The following ABHD2 variants were observed in gnomAD, a reference collection of about 807,000 sequenced individuals.
ABHD2 encodes the protein monoacylglycerol lipase ABHD2.
A neutral mutation model predicts 48.1 loss-of-function variants in ABHD2; 20 were observed. That is an observed-to-expected ratio of 0.42 (90% CI 0.29 to 0.60). ABHD2 has a LOEUF of 0.60. Ranked by LOEUF, ABHD2 falls within the 20% of genes least tolerant of loss-of-function variation. ABHD2 has a pLI of 0.24. For missense variants in ABHD2, 405 were observed against 550.9 expected, an observed-to-expected ratio of 0.74 and a Z score of 2.65; for synonymous variants, 209 against 214.2, an observed-to-expected ratio of 0.98 and a Z score of 0.21.
chr15:89,113,047 T>C (rs2049900378), intron 1 of ABHD2, among the ~76,000 whole-genome samples: 1 of 152,228 alleles, frequency 6.6e-6, no homozygotes, highest in African/African-American at 2.4e-5. Context: ...GTTCTCTCTT[T>C]TGCTTCTGCT....
chr15:89,083,496 G>A (rs966700655), upstream of ABHD2, among the ~76,000 whole-genome samples: 13 of 152,156 alleles, frequency 8.5e-5, no homozygotes, highest in South Asian at 2.1e-4. This position sits in a 1 kb window ranked among gnomAD's most constrained non-coding sequence, Gnocchi z 5.1. Flanking sequence ...GTGCACGTGC[G>A]TGTATGTGTG....
At chr15:89,053,493 C>T in the ABHD2 span, among the ~76,000 whole-genome samples, 2 of 152,226 alleles carry the variant, frequency 1.3e-5, no homozygotes, top group East Asian at 3.9e-4. Context: ...TGCCCTCTAA[C>T]ATGGCCTGGG....
intron 3 of ABHD2, among the ~76,000 whole-genome samples, chr15:89,142,894 C>T (rs1194406792): frequency 6.6e-6 from 1 of 152,082 alleles, no homozygotes; most frequent in Non-Finnish European, 1.5e-5. Context: ...AACCCAGTGA[C>T]ATTTTGAATA....
chr15:89,174,511 C>G lies in ABHD2; in HGVS notation c.539-1301C>G, dbSNP rs2050979628. Among the ~76,000 whole-genome samples, 1 of 152,150 alleles carries G rather than the reference C, an allele frequency of 6.6e-6. No individual in the cohort carries two copies. The highest frequency in any genetic ancestry group is 6.5e-5 in the Admixed American group (1 of 15,272). ...GTGCCGGCCTGGCTTAGGCTACATCCTACCACAAAAGAAGACAGATATAAG... is the reference window on the plus strand; with the variant it reads ...GTGCCGGCCTGGCTTAGGCTACATCGTACCACAAAAGAAGACAGATATAAG... On this transcript the variant is annotated intron_variant, in intron 5 of 10. Coordinates refer to ENST00000352732, the MANE Select transcript of ABHD2 (RefSeq NM_152924.5). This position sits in a 1 kb window ranked among gnomAD's most constrained non-coding sequence, Gnocchi z 4.1.
chr15:89,061,868 C>G, the ABHD2 span, among the ~76,000 whole-genome samples: 1 of 152,158 alleles, frequency 6.6e-6, no homozygotes, highest in East Asian at 1.9e-4. Flanking sequence ...GCTACGGTGC[C>G]TGGCCCAAAA....
At chr15:89,111,053 TC>T (rs1213129818) in intron 1 of ABHD2, among the ~76,000 whole-genome samples, 1 of 152,146 alleles carries the variant, frequency 6.6e-6, no homozygotes, top group Non-Finnish European at 1.5e-5. Flanking sequence ...GTTTCCCTTT[TC>T]CCCCTGACAG....
Position 89,155,257 on chromosome 15 carries a change from A to G in ABHD2, c.371-110A>G, listed in dbSNP as rs908945379. 1 of 1,206,880 alleles carries G rather than the reference A, an allele frequency of 8.3e-7. No individual in the cohort carries two copies. The highest frequency in any genetic ancestry group is 1.5e-5 in the African/African-American group (1 of 66,244). 74.8% of individuals were successfully genotyped at this position (1,206,880 alleles called of 1,614,324 possible). ...TCTTCCCCAGAGAACTGAGTGAAAG[A>G]TGTATGTTGAATTCCCTCCCCTTGT... On this transcript the variant is annotated intron_variant, in intron 4 of 10. Coordinates refer to ENST00000352732, the MANE Select transcript of ABHD2 (RefSeq NM_152924.5). This position sits in a 1 kb window ranked among gnomAD's most constrained non-coding sequence, Gnocchi z 4.9.
At chr15:89,130,885 G>A (rs375843683) in intron 3 of ABHD2, among the ~76,000 whole-genome samples, 13 of 152,144 alleles carry the variant, frequency 8.5e-5, no homozygotes, top group Admixed American at 4.6e-4. Flanking sequence ...AGCAAGGCTC[G>A]TGCCCATGCC....
the ABHD2 span, among the ~76,000 whole-genome samples, chr15:89,064,150 G>A: frequency 4.0e-4 from 61 of 151,192 alleles, no homozygotes; most frequent in African/African-American, 1.5e-3. Flanking sequence ...ATGCCTTTAA[G>A]CTTCATCCAT....
At chr15:89,141,072 G>A (rs1422702161) in intron 3 of ABHD2, among the ~76,000 whole-genome samples, 1 of 151,882 alleles carries the variant, frequency 6.6e-6, no homozygotes, top group African/African-American at 2.4e-5. Flanking sequence ...GGGCTCAAGT[G>A]ATCCTCTTAA....
At chr15:89,069,102 T>TTTTC in the ABHD2 span, among the ~76,000 whole-genome samples, 474 of 141,264 alleles carry the variant, frequency 3.4e-3, 5 homozygotes, top group African/African-American at 0.012. Context: ...GCAAGCTCTT[T>TTTTC]TTTTCTTTTC....
intron 1 of ABHD2, among the ~76,000 whole-genome samples, chr15:89,105,141 C>T (rs2049763848): frequency 6.6e-6 from 1 of 152,182 alleles, no homozygotes; most frequent in Non-Finnish European, 1.5e-5. Context: ...AAGTGCTTTA[C>T]CCATTCGTTC....
rs1021608308 is a variant in ABHD2, at chr15:89,197,211, A to C, written c.*1788A>C. 6 of 152,662 alleles carry C rather than the reference A, an allele frequency of 3.9e-5. No individual in the cohort carries two copies. Among genetic ancestry groups the C allele is most frequent in the African/African-American group, 1.4e-4 (6 of 41,452 alleles). 9.5% of individuals were successfully genotyped at this position (152,662 alleles called of 1,614,324 possible). A position where few individuals can be genotyped will look rare whatever the true frequency, so the allele number is the denominator to read the frequency against. On this transcript the variant is annotated 3_prime_UTR_variant, in exon 11 of 11. Transcript: ENST00000352732. The surrounding 1 kb of genome is among the most constrained non-coding windows in gnomAD (Gnocchi z 4.4). ...ACAATCACCAAATCATCCGAATGAC[A>C]TCAAAAGCAGCCCTTATCTCAGAGA...
chr15:89,193,204 A>T, intron 9 of ABHD2, 31 bp from the exon 10 acceptor site: 1 of 1,601,442 alleles, frequency 6.2e-7, no homozygotes, highest in Non-Finnish European at 8.6e-7. Flanking sequence ...GGGAATCAGT[A>T]GTTTAATTCT....
At chr15:89,159,169 G>T (rs1359884420) in intron 5 of ABHD2, among the ~76,000 whole-genome samples, 1 of 151,896 alleles carries the variant, frequency 6.6e-6, no homozygotes, top group Non-Finnish European at 1.5e-5. Flanking sequence ...CTGAGGTCAG[G>T]AGTTTGAGAG....
At chr15:89,115,209 T>G (rs16942717) in intron 2 of ABHD2, among the ~76,000 whole-genome samples, 6,776 of 152,278 alleles carry the variant, frequency 0.044, 240 homozygotes, top group African/African-American at 0.1. Flanking sequence ...ACCTTGGCTA[T>G]GAGAGTTACC....
the ABHD2 span, chr15:89,075,226 G>A: frequency 6.6e-6 from 1 of 152,194 alleles, no homozygotes. The surrounding 1 kb of genome is among the most constrained non-coding windows in gnomAD (Gnocchi z 4.1). Flanking sequence ...GTGAGGTAAA[G>A]TGTGAATGAT....
At chr15:89,147,783 A>G (rs2050519577) in intron 3 of ABHD2, among the ~76,000 whole-genome samples, 1 of 151,964 alleles carries the variant, frequency 6.6e-6, no homozygotes, top group Non-Finnish European at 1.5e-5. Flanking sequence ...AGATATTTTT[A>G]TAACTATAAA....
the ABHD2 span, among the ~76,000 whole-genome samples, chr15:89,075,762 A>G: frequency 1.3e-5 from 2 of 152,210 alleles, no homozygotes; most frequent in Non-Finnish European, 2.9e-5. The surrounding 1 kb of genome is among the most constrained non-coding windows in gnomAD (Gnocchi z 4.1). Flanking sequence ...TATGGGGAAG[A>G]AGAGCAGCAG....
Sources: allele counts gnomAD v4.1 joint callset (sites outside exome capture counted in the v4.1 genomes callset), GRCh38; gene constraint gnomAD v4.1.1; non-coding constraint Gnocchi (gnomAD v3.1); transcripts MANE v1.5; gene names NCBI Gene and HGNC (gene_info 2026-07-23, HGNC 2026-07-21).